The following SLC28A1 variants were observed in gnomAD, a reference collection of about 807,000 sequenced individuals.
SLC28A1 encodes the protein solute carrier family 28 member 1, also known as sodium/nucleoside cotransporter 1.
Under a neutral mutation model 74.8 loss-of-function variants are expected in SLC28A1, and 64 were observed. That is an observed-to-expected ratio of 0.86 (90% confidence interval 0.70 to 1.05). The LOEUF (loss-of-function observed/expected upper bound fraction) is 1.05, where lower values mean the gene tolerates loss of function less well. Among genes scored for constraint, SLC28A1 ranks in the 50% least tolerant of loss-of-function variants. The pLI is 0.00. For missense variants in SLC28A1, 828 were observed against 822.8 expected, an observed-to-expected ratio of 1.01 and a Z score of -0.08; for synonymous variants, 359 against 335.0, an observed-to-expected ratio of 1.07 and a Z score of -0.78.
chr15:84,936,351 GGGTTCGAGT>G, intron 15 of SLC28A1, among the ~76,000 whole-genome samples: 1 of 151,954 alleles, frequency 6.6e-6, no homozygotes, highest in East Asian at 1.9e-4. Context: ...TCCACCTCCC[GGGTTCGAGT>G]GATTCTCGTG....
rs17215968 is a variant in SLC28A1, at chr15:84,887,798, C to G, written c.38C>G (p.Ser13Cys). The G allele has an allele frequency of 2.1e-4, 346 of 1,614,132 alleles. 2 individuals are homozygous for G. The African/African-American group carries it at 4.0e-3, about 19-fold the overall frequency. Residue 13 changes from serine to cysteine, a missense_variant, in exon 3 of 19, where the codon TCT becomes TGT. Transcript: ENST00000394573. ...NDPSRRRESI[S>C]LTPVAKGLEN... Reference sequence around the variant, plus strand: ...CCCTCGAGACGAAGAGAGTCCATCTCTCTCACACCTGTGGCCAAGGGTCTG... The same window carrying G: ...CCCTCGAGACGAAGAGAGTCCATCTGTCTCACACCTGTGGCCAAGGGTCTG...
downstream of SLC28A1, among the ~76,000 whole-genome samples, chr15:84,948,458 G>C (rs1180841932): frequency 2.0e-5 from 3 of 152,086 alleles, no homozygotes; most frequent in Admixed American, 1.3e-4. Context: ...ATTGAACCAG[G>C]ATTGAATGCC....
Position 84,888,861 on chromosome 15 carries a change from G to A in SLC28A1, c.185+1G>A, listed in dbSNP as rs1472052634. 1 of 1,548,072 alleles carries A rather than the reference G, an allele frequency of 6.5e-7. No homozygotes were observed. Among genetic ancestry groups the A allele is most frequent in the Non-Finnish European group, 8.7e-7 (1 of 1,143,562 alleles). ...CGGCGCCGAAGCCCTTCTCCAGATG[G>A]TAGGTGATCTCTGGAGAGACAAGGG... On this transcript the variant is annotated splice_donor_variant, in intron 4 of 18. Transcript: ENST00000394573. LOFTEE classifies it high-confidence loss of function.
At chr15:84,907,909 A>G (rs1159691314) in intron 8 of SLC28A1, among the ~76,000 whole-genome samples, 1 of 152,136 alleles carries the variant, frequency 6.6e-6, no homozygotes, top group Non-Finnish European at 1.5e-5. Flanking sequence ...CATTTTATAG[A>G]TGGGAACACT....
chr15:84,893,074 C>G (rs1965538023), intron 5 of SLC28A1, among the ~76,000 whole-genome samples: 2 of 152,046 alleles, frequency 1.3e-5, no homozygotes, highest in Admixed American at 1.3e-4. Flanking sequence ...CCCAGACCCC[C>G]CCAGCCTTCC....
intron 12 of SLC28A1, among the ~76,000 whole-genome samples, chr15:84,924,824 G>T (rs1970286525): frequency 1.3e-5 from 2 of 152,050 alleles, no homozygotes; most frequent in South Asian, 4.1e-4. Context: ...CTTGCTTATT[G>T]CAGAAACAAA....
At chr15:84,915,389 T>C in intron 9 of SLC28A1, among the ~76,000 whole-genome samples, 1 of 152,240 alleles carries the variant, frequency 6.6e-6, no homozygotes, top group East Asian at 1.9e-4. Flanking sequence ...GTCCATTCTG[T>C]AATCCCAGTT....
downstream of SLC28A1, among the ~76,000 whole-genome samples, chr15:84,949,684 T>A (rs1395411618): frequency 6.6e-6 from 1 of 151,626 alleles, no homozygotes; most frequent in African/African-American, 2.4e-5. Flanking sequence ...GTGCTTGGAT[T>A]ACAGGTTTGA....
At position 84,887,952 on chromosome 15, in the gene SLC28A1, T is replaced by C. The variant is rs1231624402; in HGVS notation, c.96+96T>C. 6 of 859,910 alleles carry C rather than the reference T, an allele frequency of 7.0e-6. No individual in the cohort carries two copies. The East Asian group carries it at 9.8e-5, about 14-fold the overall frequency. 53.3% of individuals were successfully genotyped at this position (859,910 alleles called of 1,614,324 possible). Reference sequence around the variant, plus strand: ...TGAGGCTTTTGCTCACCACCTTCCCTCATACCCCATTCTTCTGCCCCCTTC... The same window carrying C: ...TGAGGCTTTTGCTCACCACCTTCCCCCATACCCCATTCTTCTGCCCCCTTC... On this transcript the variant is annotated intron_variant, in intron 3 of 18. Transcript: ENST00000394573.
intron 12 of SLC28A1, among the ~76,000 whole-genome samples, chr15:84,928,082 C>T (rs915579556): frequency 1.3e-5 from 2 of 152,198 alleles, no homozygotes; most frequent in African/African-American, 4.8e-5. Flanking sequence ...TAAAACTCAG[C>T]CCTCTTTTCT....
At chr15:84,943,299 G>T (rs1567191517) in intron 15 of SLC28A1, 146 bp from the exon 16 acceptor site, 1 of 680,192 alleles carries the variant, frequency 1.5e-6, no homozygotes, top group East Asian at 2.7e-5. Flanking sequence ...GGGATTGCAA[G>T]GCTGGGGAAG....
the SLC28A1 span, among the ~76,000 whole-genome samples, chr15:84,960,402 C>T: frequency 3.9e-5 from 6 of 152,048 alleles, no homozygotes; most frequent in Non-Finnish European, 7.4e-5. Context: ...GGATTATGGG[C>T]ATGTGCCACC....
At chr15:84,916,682 A>T (rs1034180240) in intron 9 of SLC28A1, among the ~76,000 whole-genome samples, 1 of 152,084 alleles carries the variant, frequency 6.6e-6, no homozygotes, top group Non-Finnish European at 1.5e-5. Context: ...TCTTCCCACA[A>T]ACCTCTCCTG....
chr15:84,961,329 G>T, the SLC28A1 span, among the ~76,000 whole-genome samples: 1 of 150,744 alleles, frequency 6.6e-6, no homozygotes, highest in Non-Finnish European at 1.5e-5. Flanking sequence ...GAGTGAGAGA[G>T]AATTTTTTTT....
chr15:84,939,361 G>T (rs1225041583), intron 15 of SLC28A1, among the ~76,000 whole-genome samples: 1 of 151,848 alleles, frequency 6.6e-6, no homozygotes, highest in Non-Finnish European at 1.5e-5. Context: ...AGGAAAGAAG[G>T]AAGGGACAGA....
At chr15:84,963,539 C>A in the SLC28A1 span, among the ~76,000 whole-genome samples, 1 of 152,162 alleles carries the variant, frequency 6.6e-6, no homozygotes, top group Non-Finnish European at 1.5e-5. Flanking sequence ...CACAAAGTGG[C>A]CCATCACACC....
chr15:84,890,921 C>A (rs1267523560), intron 5 of SLC28A1, among the ~76,000 whole-genome samples: 3 of 152,128 alleles, frequency 2.0e-5, no homozygotes, highest in Admixed American at 6.5e-5. Context: ...AGAGGAGTCA[C>A]AGGAGCAAAG....
intron 6 of SLC28A1, chr15:84,895,690 T>G: frequency 7.2e-7 from 1 of 1,396,174 alleles, no homozygotes; most frequent in Non-Finnish European, 9.3e-7. Context: ...GCCCACCATT[T>G]CACCAGGCAG....
chr15:84,937,011 T>G (rs1396999251), intron 15 of SLC28A1, among the ~76,000 whole-genome samples: 1 of 150,748 alleles, frequency 6.6e-6, no homozygotes, highest in African/African-American at 2.4e-5. Context: ...TAGGATTGCA[T>G]CACTGCACTC....
Sources: allele counts gnomAD v4.1 joint callset (sites outside exome capture counted in the v4.1 genomes callset), GRCh38; gene constraint gnomAD v4.1.1; transcripts MANE v1.5; gene names NCBI Gene and HGNC (gene_info 2026-07-23, HGNC 2026-07-21).